Variants in FOXP2 observed in about 807,000 individuals in gnomAD.
The protein encoded by FOXP2 is forkhead box protein P2.
FOXP2 carries 12 observed loss-of-function variants against 115.8 expected under a neutral mutation model. The ratio of observed to expected loss-of-function variants is 0.10; its 90% CI spans 0.07 to 0.17. The LOEUF (loss-of-function observed/expected upper bound fraction) is 0.17. FOXP2 is among the 10% of genes least tolerant of loss of function. FOXP2 has a pLI of 1.00. For synonymous variants in FOXP2, 328 were observed against 297.7 expected (o/e 1.10, Z -1.05); for missense variants, 629 against 843.5 (o/e 0.75, Z 3.15).
intron 1 of FOXP2, among the ~76,000 whole-genome samples, chr7:114,421,133 A>G (rs1421757951): frequency 6.6e-6 from 1 of 151,686 alleles, no homozygotes; most frequent in African/African-American, 2.4e-5. Flanking sequence ...CATGGCCACC[A>G]TTCTTTCAAA....
intron 1 of FOXP2, among the ~76,000 whole-genome samples, chr7:114,184,659 C>T (rs996390918): frequency 6.6e-6 from 1 of 152,078 alleles, no homozygotes; most frequent in Non-Finnish European, 1.5e-5. Context: ...AGACATGCAG[C>T]ACCCAGAATT....
intron 1 of FOXP2, among the ~76,000 whole-genome samples, chr7:114,112,560 A>G (rs888524042): frequency 1.3e-5 from 2 of 152,048 alleles, no homozygotes; most frequent in African/African-American, 4.8e-5. Flanking sequence ...TCGGCCTCCC[A>G]AAGTGCTGGG....
chr7:114,376,359 G>C (rs1278272698), intron 2 of FOXP2, among the ~76,000 whole-genome samples: 1 of 152,178 alleles, frequency 6.6e-6, no homozygotes, highest in African/African-American at 2.4e-5. Context: ...TTTATTCTCA[G>C]TTTCCTTATG....
intron 1 of FOXP2, among the ~76,000 whole-genome samples, chr7:114,146,572 C>T (rs1443371496): frequency 6.6e-6 from 1 of 152,154 alleles, no homozygotes; most frequent in Non-Finnish European, 1.5e-5. Context: ...TAGGGCATGT[C>T]ATTCATCAGA....
upstream of FOXP2, among the ~76,000 whole-genome samples, chr7:114,412,721 G>A (rs915031128): frequency 6.6e-6 from 1 of 152,096 alleles, no homozygotes; most frequent in Non-Finnish European, 1.5e-5. Context: ...TACAGAGATG[G>A]GCTCTTGACA....
chr7:114,107,814 T>G (rs1327507380), intron 1 of FOXP2, among the ~76,000 whole-genome samples: 2 of 151,916 alleles, frequency 1.3e-5, no homozygotes, highest in African/African-American at 4.8e-5. Flanking sequence ...AATATACAAG[T>G]TTTGTAATCA....
In FOXP2 at chr7:114,675,328, A is replaced by G. The variant is rs547208215; in HGVS notation, c.2003+10892A>G. On this transcript the variant is annotated intron_variant, in intron 16 of 16. Coordinates refer to ENST00000350908, the MANE Select transcript of FOXP2 (RefSeq NM_014491.4). ...AAACTTTGTCTTTGAAAAAAAAAAT[A>G]CTTTTTTTGTATGTTCTGTTTGACA... Among the ~76,000 whole-genome samples the G allele has an allele frequency of 2.6e-5, 4 of 152,182 alleles. 1 individual carries two copies. The highest frequency in any genetic ancestry group is 7.2e-5 in the African/African-American group (3 of 41,530).
At chr7:114,088,024 C>T (rs1026491126) in intron 1 of FOXP2, 1 of 152,158 alleles carries the variant, frequency 6.6e-6, no homozygotes, top group Non-Finnish European at 1.5e-5. Flanking sequence ...TCCCCAAAGA[C>T]CTAGACCCAT....
chr7:114,255,845 C>A (rs1446458095), intron 1 of FOXP2, among the ~76,000 whole-genome samples: 1 of 152,132 alleles, frequency 6.6e-6, no homozygotes, highest in Middle Eastern at 3.2e-3. Context: ...CCCAGTACCT[C>A]AGTTGGAAAT....
At chr7:114,138,550 C>G (rs1282259997) in intron 1 of FOXP2, among the ~76,000 whole-genome samples, 2 of 152,034 alleles carry the variant, frequency 1.3e-5, no homozygotes, top group African/African-American at 2.4e-5. Context: ...TAAGACCACA[C>G]CCGGCTAATT....
intron 2 of FOXP2, among the ~76,000 whole-genome samples, chr7:114,457,581 T>A (rs562308810): frequency 9.9e-5 from 15 of 152,254 alleles, no homozygotes; most frequent in African/African-American, 3.6e-4. Flanking sequence ...TTGTATAGCA[T>A]TAGATCAAAT....
intron 2 of FOXP2, among the ~76,000 whole-genome samples, chr7:114,472,168 A>C (rs117410000): frequency 1.3e-5 from 2 of 152,120 alleles, no homozygotes; most frequent in East Asian, 3.9e-4. Context: ...TTTATGCTAC[A>C]TGCATGGAGT....
chr7:114,149,162 T>C (rs962226553), intron 1 of FOXP2, among the ~76,000 whole-genome samples: 6 of 152,092 alleles, frequency 3.9e-5, no homozygotes, highest in Non-Finnish European at 8.8e-5. Flanking sequence ...TGTGCCTTTT[T>C]TCATGGAACA....
At chr7:114,336,497 A>G (rs1196326934) in intron 2 of FOXP2, among the ~76,000 whole-genome samples, 1 of 151,496 alleles carries the variant, frequency 6.6e-6, no homozygotes, top group Non-Finnish European at 1.5e-5. Flanking sequence ...CTGTCTTTAA[A>G]CAAATAGTTA....
intron 1 of FOXP2, among the ~76,000 whole-genome samples, chr7:114,143,819 CTT>C (rs879609706): frequency 2.1e-5 from 3 of 144,798 alleles, no homozygotes; most frequent in African/African-American, 2.5e-5. Context: ...TGAATGTTTA[CTT>C]TTTTTTTTTT....
At chr7:114,128,015 C>A (rs1241468410) in intron 1 of FOXP2, among the ~76,000 whole-genome samples, 3 of 152,088 alleles carry the variant, frequency 2.0e-5, no homozygotes, top group African/African-American at 7.2e-5. Context: ...GAAATGAAAA[C>A]CAATAGTTCA....
intron 1 of FOXP2, among the ~76,000 whole-genome samples, chr7:114,242,298 A>C (rs1451012920): frequency 1.3e-5 from 2 of 152,062 alleles, no homozygotes; most frequent in Non-Finnish European, 2.9e-5. Flanking sequence ...ATGATGGTCT[A>C]ATTCATAAAC....
At chr7:114,348,271 A>G (rs1791395563) in intron 2 of FOXP2, among the ~76,000 whole-genome samples, 1 of 152,124 alleles carries the variant, frequency 6.6e-6, no homozygotes. Flanking sequence ...TTTTCTTAAT[A>G]TGGATGACAT....
At chr7:114,630,287 G>A (rs1161606261) in intron 5 of FOXP2, among the ~76,000 whole-genome samples, 1 of 151,982 alleles carries the variant, frequency 6.6e-6, no homozygotes, top group Non-Finnish European at 1.5e-5. Context: ...TGATTATCTT[G>A]TATTCATGGA....
Sources: gnomAD v4.1 joint callset for allele counts (sites outside exome capture counted in the v4.1 genomes callset) on GRCh38, gnomAD v4.1.1 for gene constraint, MANE v1.5 for transcripts, NCBI Gene and HGNC (gene_info 2026-07-23, HGNC 2026-07-21) for gene names.